Variants in FSTL4 observed in about 807,000 individuals in gnomAD.
FSTL4 encodes follistatin like 4.
Under a neutral mutation model 78.2 loss-of-function variants are expected in FSTL4, and 28 were observed. The observed-to-expected ratio is 0.36, with a 90% CI of 0.27 to 0.49. The LOEUF (loss-of-function observed/expected upper bound fraction) is 0.49, where lower values mean the gene tolerates loss of function less well. FSTL4 is among the 20% of genes least tolerant of loss of function. The pLI is 0.98. For synonymous variants in FSTL4, 422 were observed against 440.5 expected, an observed-to-expected ratio of 0.96 and a Z score of 0.53; for missense variants, 922 against 1,084.9, an observed-to-expected ratio of 0.85 and a Z score of 2.11.
chr5:133,345,967 C>A (rs552786424), intron 4 of FSTL4, among the ~76,000 whole-genome samples: 1 of 152,210 alleles, frequency 6.6e-6, no homozygotes, highest in Non-Finnish European at 1.5e-5. Context: ...CCACTATTCA[C>A]GATAACAAAG....
At chr5:133,658,357 A>T in the FSTL4 span, among the ~76,000 whole-genome samples, 1 of 152,146 alleles carries the variant, frequency 6.6e-6, no homozygotes, top group South Asian at 2.1e-4. Flanking sequence ...GGGATCATCT[A>T]TTCCTTGAAT....
At chr5:133,407,496 C>G (rs1756388752) in intron 3 of FSTL4, among the ~76,000 whole-genome samples, 1 of 152,246 alleles carries the variant, frequency 6.6e-6, no homozygotes, top group African/African-American at 2.4e-5. Flanking sequence ...AATCCCAAAG[C>G]TCAACAGAAA....
At chr5:133,782,851 A>T in the FSTL4 span, among the ~76,000 whole-genome samples, 2 of 152,196 alleles carry the variant, frequency 1.3e-5, no homozygotes, top group East Asian at 3.8e-4. Context: ...CATCATGAGG[A>T]CAATCCAGGA....
chr5:133,621,296 AG>A, the FSTL4 span, among the ~76,000 whole-genome samples: 1 of 152,184 alleles, frequency 6.6e-6, no homozygotes, highest in Non-Finnish European at 1.5e-5. Flanking sequence ...GCTACTCGGG[AG>A]GCTGAGGCAG....
At chr5:133,297,967 A>G (rs1046553503) in intron 6 of FSTL4, among the ~76,000 whole-genome samples, 2 of 152,150 alleles carry the variant, frequency 1.3e-5, no homozygotes, top group Non-Finnish European at 2.9e-5. Context: ...TGAGGCACCC[A>G]AGGGGTCTCC....
intron 2 of FSTL4, among the ~76,000 whole-genome samples, chr5:133,570,911 G>A: frequency 6.6e-6 from 1 of 152,080 alleles, no homozygotes; most frequent in East Asian, 1.9e-4. Context: ...GTCTCTCTGA[G>A]ATGGGAAATA....
At chr5:133,268,035 T>G (rs1387634695) in intron 6 of FSTL4, among the ~76,000 whole-genome samples, 1 of 152,178 alleles carries the variant, frequency 6.6e-6, no homozygotes. Context: ...ATGCCAAAAC[T>G]AATGGGCTCA....
chr5:133,511,516 C>T (rs1033438219), intron 3 of FSTL4, among the ~76,000 whole-genome samples: 3 of 152,276 alleles, frequency 2.0e-5, no homozygotes, highest in East Asian at 1.9e-4. Flanking sequence ...GCTGTGACCA[C>T]GTCTAACTGG....
chr5:133,243,188 C>T (rs574208908), intron 7 of FSTL4, among the ~76,000 whole-genome samples: 5 of 151,974 alleles, frequency 3.3e-5, no homozygotes, highest in East Asian at 3.9e-4. Flanking sequence ...CTTTTATCAC[C>T]GTACTCTGCC....
At chr5:133,770,868 T>A in the FSTL4 span, among the ~76,000 whole-genome samples, 1 of 152,080 alleles carries the variant, frequency 6.6e-6, no homozygotes, top group African/African-American at 2.4e-5. Flanking sequence ...AACTTATGTT[T>A]AGGTCTTCAA....
intron 2 of FSTL4, 143 bp from the exon 3 acceptor site, chr5:133,567,362 A>C (rs1760048182): frequency 1.5e-6 from 1 of 678,818 alleles, no homozygotes; most frequent in Non-Finnish European, 2.6e-6. Context: ...ATGTTGGTCT[A>C]CTAAACTCTC....
In FSTL4 at chr5:133,233,552, G is replaced by C; in HGVS notation, c.895-15C>G. 1 of 1,583,698 alleles carries C rather than the reference G, an allele frequency of 6.3e-7. No individual in the cohort carries two copies. Among genetic ancestry groups the C allele is most frequent in the Non-Finnish European group, 8.5e-7 (1 of 1,170,236 alleles). On this transcript the variant is annotated splice_polypyrimidine_tract_variant and intron_variant, in intron 7 of 15. Coordinates refer to ENST00000265342, the MANE Select transcript of FSTL4 (RefSeq NM_015082.2). ...TCTCCAAAGTCCTGCACAGGGCAAAGATGACGATGAGACTGGCCTCTTTAT... is the reference window on the plus strand; with the variant it reads ...TCTCCAAAGTCCTGCACAGGGCAAACATGACGATGAGACTGGCCTCTTTAT...
the FSTL4 span, among the ~76,000 whole-genome samples, chr5:133,647,820 C>T: frequency 5.9e-5 from 9 of 152,188 alleles, no homozygotes; most frequent in Non-Finnish European, 1.0e-4. Context: ...GCAGTAATAA[C>T]TGTGAAGGGA....
At chr5:133,510,427 C>T (rs946004225) in intron 3 of FSTL4, among the ~76,000 whole-genome samples, 1 of 152,122 alleles carries the variant, frequency 6.6e-6, no homozygotes, top group African/African-American at 2.4e-5. Context: ...ATGGATATTC[C>T]CAGGTTGGGC....
chr5:133,828,757 T>C, the FSTL4 span, among the ~76,000 whole-genome samples: 1 of 152,220 alleles, frequency 6.6e-6, no homozygotes, highest in East Asian at 1.9e-4. Context: ...ATAGATTTCA[T>C]AAATCACTTA....
At chr5:133,477,174 T>C (rs747378661) in intron 3 of FSTL4, among the ~76,000 whole-genome samples, 5 of 152,214 alleles carry the variant, frequency 3.3e-5, no homozygotes, top group Non-Finnish European at 5.9e-5. Flanking sequence ...TCAATAATTA[T>C]TAGTGAGTAA....
intron 3 of FSTL4, among the ~76,000 whole-genome samples, chr5:133,492,667 T>C (rs1269583980): frequency 2.0e-5 from 3 of 152,178 alleles, no homozygotes; most frequent in African/African-American, 4.8e-5. Context: ...TTTGTATTTA[T>C]ACTGTTCATG....
At chr5:133,734,403 A>G in the FSTL4 span, among the ~76,000 whole-genome samples, 5 of 152,226 alleles carry the variant, frequency 3.3e-5, no homozygotes, top group African/African-American at 7.2e-5. Flanking sequence ...ATATGTGTAC[A>G]AAATATGTGG....
chr5:133,781,622 C>T, the FSTL4 span, among the ~76,000 whole-genome samples: 2 of 152,166 alleles, frequency 1.3e-5, no homozygotes, highest in Non-Finnish European at 2.9e-5. Context: ...AAGTCAGATC[C>T]CCTGAGGGGA....
Sources: gnomAD v4.1 joint callset for allele counts (sites outside exome capture counted in the v4.1 genomes callset) on GRCh38, gnomAD v4.1.1 for gene constraint, MANE v1.5 for transcripts, NCBI Gene and HGNC (gene_info 2026-07-23, HGNC 2026-07-21) for gene names.